The following USH2A variants were observed in gnomAD, a reference collection of about 807,000 sequenced individuals.
The protein encoded by USH2A is Usher syndrome 2A (autosomal recessive, mild).
In USH2A, 443 loss-of-function variants were observed where a neutral mutation model predicts 538.9. That is an observed-to-expected ratio of 0.82 (90% confidence interval 0.76 to 0.89). USH2A has a LOEUF of 0.89. Ranked by LOEUF, USH2A falls within the 40% of genes least tolerant of loss-of-function variation. The probability of loss-of-function intolerance (pLI) is 0.00; values close to 1 mark genes in which losing one functional copy is unlikely to be tolerated. For missense variants in USH2A, 6,633 were observed against 6,324.8 expected, an observed-to-expected ratio of 1.05 and a Z score of -1.65; for synonymous variants, 2,413 against 2,273.5, an observed-to-expected ratio of 1.06 and a Z score of -1.75.
At chr1:215,670,156 C>T (rs78943279) in intron 64 of USH2A, among the ~76,000 whole-genome samples, 8 of 152,182 alleles carry the variant, frequency 5.3e-5, no homozygotes, top group African/African-American at 7.2e-5. Flanking sequence ...TATTTTATCA[C>T]GACTTCTCAC....
intron 11 of USH2A, among the ~76,000 whole-genome samples, chr1:216,285,075 C>T (rs6695356): frequency 0.67 from 101,369 of 152,152 alleles, 35,582 homozygotes; most frequent in East Asian, 0.77. Flanking sequence ...ACACATTTTC[C>T]GGAGAGAAAT....
rs918156788 is a variant in USH2A at position 215,911,105 on chromosome 1, G to A, written c.7301-10200C>T. The stretch of plus-strand genomic sequence containing the variant: ...GGCATATAGGAGGTATATTTATTGG[G>A]GCACATGAGATGTTTTGATACAGGC... On this transcript the variant is annotated intron_variant, in intron 38 of 71. Coordinates refer to ENST00000307340, the MANE Select transcript of USH2A (RefSeq NM_206933.4). Among the ~76,000 whole-genome samples the A allele has an allele frequency of 4.0e-5, 6 of 151,264 alleles. No individual in the cohort carries two copies. In the East Asian group the frequency reaches 9.8e-4, roughly 25 times the overall value.
chr1:216,117,212 G>C (rs1260548284), intron 21 of USH2A, among the ~76,000 whole-genome samples: 1 of 152,098 alleles, frequency 6.6e-6, no homozygotes, highest in Non-Finnish European at 1.5e-5. Flanking sequence ...AAATGAACTA[G>C]TGTCCTCCTT....
chr1:216,314,417 T>C (rs1292161256), intron 9 of USH2A, among the ~76,000 whole-genome samples: 1 of 151,956 alleles, frequency 6.6e-6, no homozygotes, highest in Non-Finnish European at 1.5e-5. Context: ...TATATAAAAA[T>C]GAATTAATTT....
chr1:215,653,049 G>A (rs546335125), intron 64 of USH2A, among the ~76,000 whole-genome samples: 1 of 152,328 alleles, frequency 6.6e-6, no homozygotes, highest in African/African-American at 2.4e-5. Flanking sequence ...CATAGCAAGT[G>A]CTCAGCACAG....
chr1:216,146,934 A>G (rs1034201652), intron 21 of USH2A, among the ~76,000 whole-genome samples: 12 of 152,236 alleles, frequency 7.9e-5, no homozygotes, highest in African/African-American at 2.4e-4. Context: ...CTTGACCCCA[A>G]TACAAACTCG....
At chr1:215,773,916 A>G (rs1451055839) in intron 55 of USH2A, among the ~76,000 whole-genome samples, 2 of 152,166 alleles carry the variant, frequency 1.3e-5, no homozygotes, top group African/African-American at 4.8e-5. Context: ...ACAGACATCT[A>G]AGGTACCTTT....
intron 16 of USH2A, among the ~76,000 whole-genome samples, chr1:216,205,740 C>T (rs2035098147): frequency 6.6e-6 from 1 of 152,070 alleles, no homozygotes; most frequent in East Asian, 1.9e-4. Context: ...AAAATAGAAA[C>T]TTGAATTGGA....
intron 3 of USH2A, among the ~76,000 whole-genome samples, chr1:216,372,028 G>A (rs1178309818): frequency 4.6e-5 from 7 of 152,120 alleles, no homozygotes; most frequent in African/African-American, 1.4e-4. Context: ...AAGTACTTGA[G>A]GAAATTATTC....
At chr1:216,025,481 T>C (rs1179665711) in intron 32 of USH2A, among the ~76,000 whole-genome samples, 1 of 152,016 alleles carries the variant, frequency 6.6e-6, no homozygotes, top group African/African-American at 2.4e-5. Context: ...GCTAATTTTA[T>C]TTACAACATA....
chr1:215,638,316 T>A (rs1220551674), intron 69 of USH2A, among the ~76,000 whole-genome samples: 1 of 152,196 alleles, frequency 6.6e-6, no homozygotes, highest in Admixed American at 6.5e-5. Flanking sequence ...ATTCAATATT[T>A]GGCATTTTAA....
At chr1:215,658,302 A>C in intron 64 of USH2A, among the ~76,000 whole-genome samples, 1 of 149,540 alleles carries the variant, frequency 6.7e-6, no homozygotes, top group African/African-American at 2.5e-5. Context: ...ACAGGAACCC[A>C]CCCCCATCCG....
In USH2A at chr1:216,089,052, G is replaced by A; in HGVS notation, c.4846C>T (p.Gln1616Ter). 1 of 1,613,506 alleles carries A rather than the reference G, an allele frequency of 6.2e-7. No individual in the cohort carries two copies. The highest frequency in any genetic ancestry group is 8.5e-7 in the Non-Finnish European group (1 of 1,179,626). Reference protein sequence around the residue: ...KWHEIIAIRHQAFGQITLDGI... With the variant: ...KWHEIIAIRH ...TCCAGAGTGATTTGGCCAAAAGCCT[G>A]ATGCCTAATAGCAATTATTTCATGC... Residue 1616 changes from glutamine (Q) to a stop codon, truncating the protein, a stop_gained, in exon 23 of 72, where the codon CAG becomes TAG. Coordinates refer to ENST00000307340, the MANE Select transcript of USH2A (RefSeq NM_206933.4). LOFTEE classifies it high-confidence loss of function.
intron 61 of USH2A, among the ~76,000 whole-genome samples, chr1:215,693,691 G>A (rs767823577): frequency 2.0e-5 from 3 of 152,158 alleles, no homozygotes; most frequent in South Asian, 2.1e-4. Context: ...ACATGTATAC[G>A]ACTAGCCAGC....
At chr1:215,886,016 G>C (rs1390036662) in intron 41 of USH2A, among the ~76,000 whole-genome samples, 1 of 152,102 alleles carries the variant, frequency 6.6e-6, no homozygotes, top group East Asian at 1.9e-4. Flanking sequence ...ACTTCATCTT[G>C]ATCTCTTCTG....
At position 216,222,916 on chromosome 1, in the gene USH2A, TGTGG is replaced by T. The variant is rs1355767734; in HGVS notation, c.2994-5370_2994-5367del. Among the ~76,000 whole-genome samples, 14 of 149,662 alleles carry T rather than the reference TGTGG, an allele frequency of 9.4e-5. No individual in the cohort carries two copies. In the East Asian group the frequency reaches 2.8e-3, roughly 29 times the overall value. On this transcript the variant is annotated intron_variant, in intron 14 of 71. Transcript: ENST00000307340. ...TCATTTGAACCCAGGAGGCGGAGGT[TGTGG>T]TGAGCCGAGATTGCACCATTGCACT...
At chr1:215,772,090 A>G (rs189798885) in intron 55 of USH2A, among the ~76,000 whole-genome samples, 26 of 152,318 alleles carry the variant, frequency 1.7e-4, no homozygotes, top group Non-Finnish European at 2.5e-4. Context: ...AAATGAACAC[A>G]TTTCAACTGG....
At position 215,796,338 on chromosome 1, in the gene USH2A, G is replaced by A. The variant is rs187209155; in HGVS notation, c.9958+2569C>T. On this transcript the variant is annotated intron_variant, in intron 50 of 71. Transcript: ENST00000307340. Reference sequence around the variant, plus strand: ...ATTGGTGCCAATTTTCCAATAGCACGTGTTCGCTTCGTGTCTCTGTCACAT... The same window carrying A: ...ATTGGTGCCAATTTTCCAATAGCACATGTTCGCTTCGTGTCTCTGTCACAT... Among the ~76,000 whole-genome samples the A allele has an allele frequency of 2.7e-3, 410 of 152,184 alleles. 1 individual carries two copies. Among genetic ancestry groups the A allele is most frequent in the African/African-American group, 8.7e-3 (363 of 41,544 alleles).
intron 22 of USH2A, 26 bp from the exon 23 acceptor site, chr1:216,089,165 A>C (rs748882656): frequency 6.2e-7 from 1 of 1,601,434 alleles, no homozygotes; most frequent in Non-Finnish European, 8.5e-7. Flanking sequence ...GAATAAATAA[A>C]TGTTTATACA....
Sources: allele counts gnomAD v4.1 joint callset (sites outside exome capture counted in the v4.1 genomes callset), GRCh38; gene constraint gnomAD v4.1.1; transcripts MANE v1.5; gene names NCBI Gene and HGNC (gene_info 2026-07-23, HGNC 2026-07-21).